The following TMC1 variants were observed in gnomAD, a reference collection of about 807,000 sequenced individuals.
The protein encoded by TMC1 is transmembrane channel-like protein 1.
Under a neutral mutation model 105.8 loss-of-function variants are expected in TMC1, and 84 were observed. That is an observed-to-expected ratio of 0.79 (90% CI 0.67 to 0.95). TMC1 has a LOEUF of 0.95. Among genes scored for constraint, TMC1 ranks in the 40% least tolerant of loss-of-function variants. The pLI is 0.00. For synonymous variants in TMC1, 315 were observed against 311.5 expected, an observed-to-expected ratio of 1.01 and a Z score of -0.12; for missense variants, 817 against 914.1, an observed-to-expected ratio of 0.89 and a Z score of 1.37.
chr9:72,835,289 T>G (rs1385701522), intron 23 of TMC1, among the ~76,000 whole-genome samples: 1 of 152,230 alleles, frequency 6.6e-6, no homozygotes, highest in Non-Finnish European at 1.5e-5. Flanking sequence ...TTCACTCTGT[T>G]CATCCCACAG....
At chr9:72,649,338 A>G (rs1191513240) in intron 5 of TMC1, among the ~76,000 whole-genome samples, 1 of 152,206 alleles carries the variant, frequency 6.6e-6, no homozygotes, top group East Asian at 1.9e-4. Context: ...TTCCCTAAAG[A>G]CAAACTGGCA....
At chr9:72,611,252 C>T (rs1825019234) in intron 2 of TMC1, among the ~76,000 whole-genome samples, 1 of 151,856 alleles carries the variant, frequency 6.6e-6, no homozygotes, top group Non-Finnish European at 1.5e-5. Context: ...TTAGAAGCAC[C>T]CATGAAGGAT....
At chr9:72,793,001 C>G (rs1214072052) in intron 17 of TMC1, among the ~76,000 whole-genome samples, 1 of 152,070 alleles carries the variant, frequency 6.6e-6, no homozygotes, top group Admixed American at 6.5e-5. Flanking sequence ...AATGCACGAC[C>G]TTGGGAACCC....
chr9:72,651,910 C>A lies in TMC1; in HGVS notation c.16+3246C>A, dbSNP rs78246263. ...TGTGTAGTCTCTTATCCCTCACCCC[C>A]CATCCTTTCCCTTGACTCCCCAAAG... is the stretch of plus-strand genomic sequence containing the variant. On this transcript the variant is annotated intron_variant, in intron 5 of 23. Coordinates refer to ENST00000297784, the MANE Select transcript of TMC1 (RefSeq NM_138691.3). Among the ~76,000 whole-genome samples the A allele has an allele frequency of 3.1e-3, 471 of 152,028 alleles. 4 individuals carry two copies. The highest frequency in any genetic ancestry group is 0.011 in the African/African-American group (453 of 41,474).
intron 8 of TMC1, among the ~76,000 whole-genome samples, chr9:72,737,923 A>G (rs1663757): frequency 0.26 from 39,145 of 152,148 alleles, 5,442 homozygotes; most frequent in East Asian, 0.39. Context: ...AACAAGGCCA[A>G]TCTAGTCTAT....
At position 72,571,914 on chromosome 9, in the gene TMC1, G is replaced by A. The variant is rs1305050226; in HGVS notation, c.-427-5988G>A. Among the ~76,000 whole-genome samples the A allele has an allele frequency of 4.6e-5, 7 of 151,062 alleles. No homozygotes were observed. In the South Asian group the frequency reaches 1.0e-3, roughly 23 times the overall value. ...TGCAATGGCGTAATCTCGGCTCACC[G>A]CAACCTCTGCCTCCTGGATTCAAGA... On this transcript the variant is annotated intron_variant, in intron 1 of 23. Transcript: ENST00000297784.
chr9:72,586,286 T>G (rs2132102616), intron 2 of TMC1, among the ~76,000 whole-genome samples: 1 of 152,278 alleles, frequency 6.6e-6, no homozygotes, highest in East Asian at 1.9e-4. Context: ...CCGACACAAA[T>G]GAAGGAGTTG....
At chr9:72,646,163 A>T (rs991913) in intron 4 of TMC1, among the ~76,000 whole-genome samples, 75,419 of 151,972 alleles carry the variant, frequency 0.5, 19,023 homozygotes, top group African/African-American at 0.59. Flanking sequence ...TTTACATATC[A>T]ATGTACTGAT....
At chr9:72,641,239 A>C (rs1422857350) in intron 4 of TMC1, among the ~76,000 whole-genome samples, 2 of 152,134 alleles carry the variant, frequency 1.3e-5, no homozygotes, top group Non-Finnish European at 2.9e-5. Flanking sequence ...GATTACAGGC[A>C]TGAGCCACCA....
At chr9:72,564,900 C>T (rs1479612037) in intron 1 of TMC1, among the ~76,000 whole-genome samples, 1 of 152,208 alleles carries the variant, frequency 6.6e-6, no homozygotes, top group East Asian at 1.9e-4. Context: ...ATGATTACCT[C>T]AAATGATTTC....
chr9:72,802,484 G>A (rs1328593625), intron 17 of TMC1, among the ~76,000 whole-genome samples: 1 of 152,078 alleles, frequency 6.6e-6, no homozygotes, highest in African/African-American at 2.4e-5. Context: ...ATAACAAACA[G>A]TATCTCAGAC....
At chr9:72,706,475 T>C (rs929755919) in intron 8 of TMC1, among the ~76,000 whole-genome samples, 9 of 152,172 alleles carry the variant, frequency 5.9e-5, no homozygotes, top group African/African-American at 2.2e-4. Context: ...TTTGGTTACA[T>C]GAGTAAGTTC....
At chr9:72,710,999 T>C (rs1826826084) in intron 8 of TMC1, among the ~76,000 whole-genome samples, 2 of 152,226 alleles carry the variant, frequency 1.3e-5, no homozygotes, top group Admixed American at 1.3e-4. Flanking sequence ...CTCCCACTTA[T>C]GAGTGAGAAC....
chr9:72,817,720 G>T (rs1033684460), intron 19 of TMC1, among the ~76,000 whole-genome samples: 1 of 152,084 alleles, frequency 6.6e-6, no homozygotes, highest in Non-Finnish European at 1.5e-5. Flanking sequence ...TGTCCTGCTT[G>T]GTTTCACTAC....
rs1211474765 is a variant in TMC1, at chr9:72,836,000, T to A, written c.*27T>A. 1 of 1,601,328 alleles carries A rather than the reference T, an allele frequency of 6.2e-7. No homozygotes were observed. Among genetic ancestry groups the A allele is most frequent in the African/African-American group, 1.3e-5 (1 of 74,204 alleles). ...AAGTATCCTGAGAGCCCAGAAAAGG[T>A]ACACTTTGCCTTGCTGTTTAAAAGT... On this transcript the variant is annotated 3_prime_UTR_variant, in exon 24 of 24. Transcript: ENST00000297784.
At chr9:72,542,177 AG>A (rs1375551459) in intron 1 of TMC1, among the ~76,000 whole-genome samples, 2 of 151,888 alleles carry the variant, frequency 1.3e-5, no homozygotes, top group East Asian at 3.9e-4. Flanking sequence ...CACACAAAAA[AG>A]GGCCCGGCGC....
At chr9:72,786,877 G>C (rs1378020874) in intron 13 of TMC1, among the ~76,000 whole-genome samples, 1 of 152,076 alleles carries the variant, frequency 6.6e-6, no homozygotes, top group Non-Finnish European at 1.5e-5. Context: ...AAACTTATCT[G>C]CCAAGTGGCC....
At chr9:72,707,459 G>A (rs1035740295) in intron 8 of TMC1, among the ~76,000 whole-genome samples, 1 of 152,256 alleles carries the variant, frequency 6.6e-6, no homozygotes, top group South Asian at 2.1e-4. Context: ...ATTCTTGCAG[G>A]TGTAAGGTGG....
In TMC1 at chr9:72,617,088, G is replaced by C. The variant is rs1825145087; in HGVS notation, c.-196+611G>C. Among the ~76,000 whole-genome samples the C allele has an allele frequency of 5.3e-5, 8 of 152,206 alleles. 1 individual carries two copies. The South Asian group carries it at 1.7e-3, about 32-fold the overall frequency. ...ATATAGGATGATTTTTCCTTCAAGA[G>C]TTATTCATTTATTTCCTTTTGGATA... On this transcript the variant is annotated intron_variant, in intron 3 of 23. Coordinates refer to ENST00000297784, the MANE Select transcript of TMC1 (RefSeq NM_138691.3).
Sources: allele counts gnomAD v4.1 joint callset (sites outside exome capture counted in the v4.1 genomes callset), GRCh38; gene constraint gnomAD v4.1.1; transcripts MANE v1.5; gene names NCBI Gene and HGNC (gene_info 2026-07-23, HGNC 2026-07-21).